The following ERP44 variants were observed in gnomAD, a reference collection of about 807,000 sequenced individuals.
ERP44 encodes endoplasmic reticulum protein 44, also known as endoplasmic reticulum resident protein 44.
ERP44 carries 25 observed loss-of-function variants against 53.4 expected under a neutral mutation model. The observed-to-expected ratio is 0.47, with a 90% confidence interval of 0.34 to 0.65. The LOEUF (loss-of-function observed/expected upper bound fraction) is 0.65. ERP44 is among the 30% of genes least tolerant of loss of function. The probability of loss-of-function intolerance (pLI) is 0.01; values close to 1 mark genes in which losing one functional copy is unlikely to be tolerated. For synonymous variants in ERP44, 145 were observed against 161.2 expected, an observed-to-expected ratio of 0.90 and a Z score of 0.76; for missense variants, 338 against 493.2, an observed-to-expected ratio of 0.69 and a Z score of 2.98.
At chr9:100,081,554 G>A (rs1295686260) in intron 1 of ERP44, among the ~76,000 whole-genome samples, 1 of 151,650 alleles carries the variant, frequency 6.6e-6, no homozygotes, top group Non-Finnish European at 1.5e-5. Flanking sequence ...TAATAAAAAT[G>A]ACCTAAGTGA....
At chr9:100,068,468 G>A (rs1826256672) in intron 1 of ERP44, among the ~76,000 whole-genome samples, 1 of 140,726 alleles carries the variant, frequency 7.1e-6, no homozygotes, top group African/African-American at 2.6e-5. Flanking sequence ...CGCCCCTACT[G>A]GGAAGTGAGG....
intron 8 of ERP44, among the ~76,000 whole-genome samples, chr9:100,010,841 C>T (rs981172808): frequency 6.9e-6 from 1 of 145,636 alleles, no homozygotes; most frequent in Non-Finnish European, 1.5e-5. Context: ...GCAGAGGTTA[C>T]AGTGAGCCGA....
chr9:100,088,409 C>T (rs1287244855), intron 1 of ERP44, among the ~76,000 whole-genome samples: 2 of 152,234 alleles, frequency 1.3e-5, no homozygotes, highest in African/African-American at 4.8e-5. Context: ...GAAGGCTCTT[C>T]TTCCAGGAAA....
At chr9:100,061,537 TATAG>T (rs1412944056) in intron 1 of ERP44, among the ~76,000 whole-genome samples, 6 of 142,854 alleles carry the variant, frequency 4.2e-5, no homozygotes, top group African/African-American at 1.6e-4. Flanking sequence ...CGTATATATT[TATAG>T]AAACGTATAT....
chr9:100,069,741 G>T (rs1002937896), intron 1 of ERP44, among the ~76,000 whole-genome samples: 28 of 152,198 alleles, frequency 1.8e-4, no homozygotes, highest in Non-Finnish European at 1.5e-4. Flanking sequence ...TTCAAATATA[G>T]ATAATACAAA....
chr9:99,984,978 C>T lies in ERP44; in HGVS notation c.1108G>A (p.Ala370Thr). The change falls in exon 11 of 12, where the codon GCC (alanine) becomes ACC (threonine). Residue 370 changes from alanine (A) to threonine (T), a missense_variant. Ala to Thr is a moderately conservative substitution (Grantham distance 58, BLOSUM62 0). This residue lies in a region of ERP44 where 113 missense variants were observed against 172.6 expected (regional missense o/e 0.65). Coordinates refer to ENST00000262455, the MANE Select transcript of ERP44 (RefSeq NM_015051.3). ...AACAGGAGTCCTACCTCTCCTGGGG[C>T]TGTATCAGTTGGGTCAGGTCCATGA... ...FHHGPDPTDT[A>T]PGEQAQDVAS... 1.9e-6 allele frequency: 3 copies of T among 1,607,390 alleles called. No individual in the cohort carries two copies. Among genetic ancestry groups the T allele is most frequent in the Non-Finnish European group, 2.6e-6 (3 of 1,174,138 alleles).
At chr9:100,044,557 C>T (rs1354330707) in intron 4 of ERP44, among the ~76,000 whole-genome samples, 1 of 152,042 alleles carries the variant, frequency 6.6e-6, no homozygotes, top group Non-Finnish European at 1.5e-5. Flanking sequence ...CCAAGCATTC[C>T]TCAAAATGCT....
intron 1 of ERP44, among the ~76,000 whole-genome samples, chr9:100,086,046 T>C (rs1246053430): frequency 6.6e-6 from 1 of 152,242 alleles, no homozygotes; most frequent in Non-Finnish European, 1.5e-5. Context: ...TTGTCATCAT[T>C]TTCCATATAC....
chr9:100,025,054 G>C (rs1274494891), intron 4 of ERP44, among the ~76,000 whole-genome samples: 2 of 152,124 alleles, frequency 1.3e-5, no homozygotes, highest in African/African-American at 4.8e-5. Flanking sequence ...TCGAGCCCAG[G>C]AGTTCAAGAC....
intron 1 of ERP44, among the ~76,000 whole-genome samples, chr9:100,082,560 C>A (rs1342147): frequency 0.47 from 70,607 of 151,682 alleles, 17,735 homozygotes; most frequent in East Asian, 0.9. Flanking sequence ...TCCATGGGTA[C>A]CTACAGGAGA....
intron 1 of ERP44, among the ~76,000 whole-genome samples, chr9:100,093,396 A>G (rs1362326271): frequency 6.6e-6 from 1 of 152,190 alleles, no homozygotes; most frequent in Non-Finnish European, 1.5e-5. Context: ...ATAATACCAG[A>G]ACTTTGGGAG....
chr9:100,061,999 C>T (rs1436619426), intron 1 of ERP44, among the ~76,000 whole-genome samples: 1 of 152,130 alleles, frequency 6.6e-6, no homozygotes, highest in East Asian at 1.9e-4. Context: ...AAATAATTCT[C>T]TGACATTACT....
chr9:100,098,763 G>T (rs757709031), intron 1 of ERP44, 21 bp downstream of exon 1: 30 of 1,609,224 alleles, frequency 1.9e-5, no homozygotes, highest in Non-Finnish European at 2.5e-5. Context: ...TTGTCGATGG[G>T]TCTGTCATTC....
At chr9:100,071,431 T>A (rs529776491) in intron 1 of ERP44, among the ~76,000 whole-genome samples, 1 of 152,212 alleles carries the variant, frequency 6.6e-6, no homozygotes, top group Non-Finnish European at 1.5e-5. Flanking sequence ...AAGGAAAAAC[T>A]GTCTTCAGTG....
At chr9:99,997,117 A>G (rs1266397563) in intron 10 of ERP44, among the ~76,000 whole-genome samples, 1 of 152,118 alleles carries the variant, frequency 6.6e-6, no homozygotes, top group Non-Finnish European at 1.5e-5. Flanking sequence ...ATGCGTGCGA[A>G]GTATCTTTTT....
At chr9:99,985,402 TA>T (rs1288732916) in intron 10 of ERP44, among the ~76,000 whole-genome samples, 3 of 151,638 alleles carry the variant, frequency 2.0e-5, no homozygotes, top group African/African-American at 7.3e-5. Context: ...TATATGTAAC[TA>T]AAAAAAAACT....
intron 4 of ERP44, among the ~76,000 whole-genome samples, chr9:100,035,600 G>A (rs566299331): frequency 1.9e-4 from 29 of 152,140 alleles, no homozygotes; most frequent in African/African-American, 6.3e-4. Flanking sequence ...GCTTGAACCC[G>A]GTAGGCAGAG....
intron 8 of ERP44, among the ~76,000 whole-genome samples, chr9:100,015,904 G>C (rs181645795): frequency 8.5e-5 from 13 of 152,212 alleles, no homozygotes; most frequent in Admixed American, 8.5e-4. Flanking sequence ...CCACTGATCT[G>C]ACAGGAGGCA....
rs1360321035 is a variant in ERP44, at chr9:99,979,569, T to A, written c.*3043A>T. The A allele has an allele frequency of 1.2e-5, 2 of 170,068 alleles. No homozygotes were observed. The highest frequency in any genetic ancestry group is 4.7e-5 in the African/African-American group (2 of 42,332). 10.5% of individuals were successfully genotyped at this position (170,068 alleles called of 1,614,324 possible). ...TTTTAATTTAAAGAAAAAAATAATTTGTAGAATGTCATCTAAAAGTTTCCA... is the reference window on the plus strand; with the variant it reads ...TTTTAATTTAAAGAAAAAAATAATTAGTAGAATGTCATCTAAAAGTTTCCA... On this transcript the variant is annotated 3_prime_UTR_variant, in exon 12 of 12. Coordinates refer to ENST00000262455, the MANE Select transcript of ERP44 (RefSeq NM_015051.3).
Sources: gnomAD v4.1 joint callset for allele counts (sites outside exome capture counted in the v4.1 genomes callset) on GRCh38, gnomAD v4.1.1 for gene constraint, gnomAD v4.1.1 regional missense constraint, MANE v1.5 for transcripts, NCBI Gene and HGNC (gene_info 2026-07-23, HGNC 2026-07-21) for gene names.